The following DTL variants were observed in gnomAD, a reference collection of about 807,000 sequenced individuals.
The protein encoded by DTL is denticleless protein homolog.
A neutral mutation model predicts 87.0 loss-of-function variants in DTL; 46 were observed. That is an observed-to-expected ratio of 0.53 (90% CI 0.42 to 0.68). The LOEUF (loss-of-function observed/expected upper bound fraction) is 0.68. Ranked by LOEUF, DTL falls within the 30% of genes least tolerant of loss-of-function variation. DTL has a pLI of 0.00. For missense variants in DTL, 737 were observed against 869.4 expected (o/e 0.85, Z 1.91); for synonymous variants, 308 against 311.2 (o/e 0.99, Z 0.11).
At chr1:212,070,374 C>T (rs574022013) in intron 10 of DTL, among the ~76,000 whole-genome samples, 1 of 151,960 alleles carries the variant, frequency 6.6e-6, no homozygotes, top group African/African-American at 2.4e-5. Flanking sequence ...AAACCCAAGC[C>T]GAGGCTGGCA....
chr1:212,043,267 A>C (rs965175911), intron 2 of DTL, 149 bp downstream of exon 2: 2 of 741,070 alleles, frequency 2.7e-6, no homozygotes, highest in Non-Finnish European at 4.2e-6. Context: ...TCTGATTTAT[A>C]AAATAGACTT....
intron 5 of DTL, among the ~76,000 whole-genome samples, chr1:212,050,493 C>G (rs1423551583): frequency 6.6e-6 from 1 of 152,108 alleles, no homozygotes; most frequent in Non-Finnish European, 1.5e-5. Context: ...TACAAACTTA[C>G]CTATATTTAC....
At chr1:212,082,710 A>G (rs73089292) in intron 13 of DTL, among the ~76,000 whole-genome samples, 7 of 152,326 alleles carry the variant, frequency 4.6e-5, no homozygotes, top group African/African-American at 1.7e-4. Flanking sequence ...ATGTTAAAAC[A>G]TGAATCAGGG....
intron 2 of DTL, among the ~76,000 whole-genome samples, chr1:212,044,070 C>G (rs1465237916): frequency 6.6e-6 from 1 of 152,096 alleles, no homozygotes; most frequent in Non-Finnish European, 1.5e-5. Context: ...GCCTAGGTGA[C>G]ATAGCGAGAC....
chr1:212,065,134 A>G, intron 7 of DTL, 105 bp downstream of exon 7: 1 of 846,238 alleles, frequency 1.2e-6, no homozygotes. Flanking sequence ...TTCTCATTTG[A>G]TATCAGTGGT....
intron 13 of DTL, among the ~76,000 whole-genome samples, chr1:212,088,156 G>A (rs779016726): frequency 2.2e-4 from 34 of 152,248 alleles, no homozygotes; most frequent in Admixed American, 3.3e-4. Context: ...GTTATGTAGC[G>A]AGGATTGAGA....
chr1:212,080,333 A>C (rs1422973769), intron 12 of DTL: 2 of 235,308 alleles, frequency 8.5e-6, no homozygotes, highest in Non-Finnish European at 1.6e-5. Context: ...GAAGATGATA[A>C]AGAGCCAGAA....
intron 8 of DTL, 106 bp downstream of exon 8, chr1:212,066,991 A>G: frequency 1.1e-6 from 1 of 940,864 alleles, no homozygotes; most frequent in Non-Finnish European, 1.6e-6. Context: ...TTCAACTGTC[A>G]ACATAGCAAG....
intron 5 of DTL, 34 bp downstream of exon 5, chr1:212,047,451 A>C (rs1356656555): frequency 9.9e-6 from 16 of 1,612,500 alleles, no homozygotes; most frequent in Non-Finnish European, 1.0e-5. Flanking sequence ...CATCTCCTTA[A>C]CCTTCTTTGC....
chr1:212,040,768 C>G, intron 1 of DTL, among the ~76,000 whole-genome samples: 1 of 152,302 alleles, frequency 6.6e-6, no homozygotes, highest in South Asian at 2.1e-4. Context: ...CAGGTAACGT[C>G]TATGGCACTG....
At chr1:212,097,537 TTCTCTAAATGTGTC>T in intron 13 of DTL, among the ~76,000 whole-genome samples, 1 of 152,314 alleles carries the variant, frequency 6.6e-6, no homozygotes, top group Non-Finnish European at 1.5e-5. Flanking sequence ...TATTTTGCAT[TTCTCTAAATGTGTC>T]TTTCATTTCC....
In DTL at chr1:212,035,853, C is replaced by T; in HGVS notation, c.-38C>T. ...TCTGCTGAACTTGGAGGCATTTCTA[C>T]GACTTTTCTCTCAGCTGAGGCTTTT... On this transcript the variant is annotated 5_prime_UTR_variant, in exon 1 of 15. The change creates a new upstream start codon in the 5' untranslated region. Coordinates refer to ENST00000366991, the MANE Select transcript of DTL (RefSeq NM_016448.4). The T allele has an allele frequency of 1.2e-6, 2 of 1,608,960 alleles. No individual in the cohort carries two copies. Among genetic ancestry groups the T allele is most frequent in the East Asian group, 2.2e-5 (1 of 44,618 alleles).
Position 212,104,455 on chromosome 1 carries a change from G to A in DTL, c.*1515G>A, listed in dbSNP as rs1655716164. On this transcript the variant is annotated 3_prime_UTR_variant, in exon 15 of 15. Coordinates refer to ENST00000366991, the MANE Select transcript of DTL (RefSeq NM_016448.4). ...ACCATAGCCTTAACTGAATATTTAG[G>A]AAATCTGCCTAATCTGCTTATATTT... is the stretch of plus-strand genomic sequence containing the variant. The A allele has an allele frequency of 6.6e-6, 1 of 152,104 alleles. No homozygotes were observed. The highest frequency in any genetic ancestry group is 1.9e-4 in the East Asian group (1 of 5,196). The allele number at this position is 152,104 out of a possible 1,614,324, so 9.4% of individuals were successfully genotyped here.
intron 5 of DTL, chr1:212,051,849 G>A: frequency 2.5e-6 from 2 of 786,134 alleles, no homozygotes; most frequent in East Asian, 4.9e-5. Flanking sequence ...ACACTTGTGG[G>A]GCATTCCTTT....
intron 5 of DTL, among the ~76,000 whole-genome samples, chr1:212,050,547 A>G (rs1667941628): frequency 6.6e-6 from 1 of 152,192 alleles, no homozygotes; most frequent in Non-Finnish European, 1.5e-5. Context: ...ATTAAATGAG[A>G]ATCTCTTGCA....
At position 212,104,551 on chromosome 1, in the gene DTL, T is replaced by G. The variant is rs1655718792; in HGVS notation, c.*1611T>G. The G allele has an allele frequency of 6.6e-6, 1 of 152,114 alleles. No homozygotes were observed. The highest frequency in any genetic ancestry group is 2.1e-4 in the South Asian group (1 of 4,828). 9.4% of individuals were successfully genotyped at this position (152,114 alleles called of 1,614,324 possible). On this transcript the variant is annotated 3_prime_UTR_variant, in exon 15 of 15. Coordinates refer to ENST00000366991, the MANE Select transcript of DTL (RefSeq NM_016448.4). ...GACCAATATCTGCCAGTAACGCTGT[T>G]TATCTCACTTGCTTTGAAAGCCAAT...
At chr1:212,081,214 G>A (rs892105612) in intron 13 of DTL, among the ~76,000 whole-genome samples, 2 of 152,116 alleles carry the variant, frequency 1.3e-5, no homozygotes, top group Non-Finnish European at 2.9e-5. Context: ...TGACCAGGGG[G>A]GCCTCAATGA....
intron 5 of DTL, among the ~76,000 whole-genome samples, chr1:212,055,220 G>A (rs536666805): frequency 1.3e-5 from 2 of 150,068 alleles, no homozygotes; most frequent in Non-Finnish European, 2.9e-5. Flanking sequence ...TAGGAATCTG[G>A]AGAGGCTTCC....
chr1:212,045,493 C>T (rs1322847527), intron 3 of DTL, among the ~76,000 whole-genome samples: 1 of 152,098 alleles, frequency 6.6e-6, no homozygotes, highest in Admixed American at 6.5e-5. Context: ...AAGCAAAGTT[C>T]TAACCTTAAG....
Sources: gnomAD v4.1 joint callset for allele counts (sites outside exome capture counted in the v4.1 genomes callset) on GRCh38, gnomAD v4.1.1 for gene constraint, MANE v1.5 for transcripts, NCBI Gene and HGNC (gene_info 2026-07-23, HGNC 2026-07-21) for gene names.